Variants in FRAS1 observed in about 807,000 individuals in gnomAD.
FRAS1 encodes the protein extracellular matrix organizing protein FRAS1.
A neutral mutation model predicts 435.2 loss-of-function variants in FRAS1; 290 were observed. The ratio of observed to expected loss-of-function variants is 0.67; its 90% CI spans 0.61 to 0.73. The LOEUF (loss-of-function observed/expected upper bound fraction) is 0.73, where lower values mean the gene tolerates loss of function less well. FRAS1 is among the 30% of genes least tolerant of loss of function. The probability of loss-of-function intolerance (pLI) is 0.00; values close to 1 mark genes in which losing one functional copy is unlikely to be tolerated. For missense variants in FRAS1, 4,860 were observed against 5,001.5 expected (o/e 0.97, Z 0.85); for synonymous variants, 1,800 against 1,851.0 (o/e 0.97, Z 0.71).
rs1720524097 is a variant in FRAS1 at position 78,496,970 on chromosome 4, AG to A, written c.9115+10del. On this transcript the variant is annotated intron_variant, in intron 60 of 73. Transcript: ENST00000512123. Reference sequence around the variant, plus strand: ...ATCCAATGATGAAGATGGTAACAGAAGAAATTATCTTTAGTTACTCTTAGGT... The same window carrying A: ...ATCCAATGATGAAGATGGTAACAGAAAAATTATCTTTAGTTACTCTTAGGT... The A allele has an allele frequency of 6.2e-7, 1 of 1,608,096 alleles. No homozygotes were observed. Among genetic ancestry groups the A allele is most frequent in the Non-Finnish European group, 8.5e-7 (1 of 1,175,598 alleles).
At chr4:78,314,936 T>C (rs1478821367) in intron 15 of FRAS1, among the ~76,000 whole-genome samples, 1 of 152,224 alleles carries the variant, frequency 6.6e-6, no homozygotes, top group East Asian at 1.9e-4. Context: ...ATTTCCAATA[T>C]TGTCTATTTC....
rs189698073 is a variant in FRAS1, at chr4:78,452,021, C to T, written c.6583+130C>T. The T allele has an allele frequency of 1.0e-5, 13 of 1,241,970 alleles. No individual in the cohort carries two copies. In the Admixed American group the frequency reaches 2.9e-4, roughly 28 times the overall value. The allele number at this position is 1,241,970 out of a possible 1,614,324, so 76.9% of individuals were successfully genotyped here. On this transcript the variant is annotated intron_variant, in intron 46 of 73. Coordinates refer to ENST00000512123, the MANE Select transcript of FRAS1 (RefSeq NM_025074.7). Reference sequence around the variant, plus strand: ...GCTGGTGTGGAAACTGAAAATCATACCCCCTTTATTGCACGAAGCCCTGGC... The same window carrying T: ...GCTGGTGTGGAAACTGAAAATCATATCCCCTTTATTGCACGAAGCCCTGGC...
Position 78,160,843 on chromosome 4 carries a change from C to A in FRAS1, c.109-76667C>A, listed in dbSNP as rs1278111599. ...AAAATGACATAAGCCATTTAAAGAT[C>A]TATAAAAAGATGGGCTGGGCACAGT... is the stretch of plus-strand genomic sequence containing the variant. On this transcript the variant is annotated intron_variant, in intron 2 of 73. Coordinates refer to ENST00000512123, the MANE Select transcript of FRAS1 (RefSeq NM_025074.7). Among the ~76,000 whole-genome samples the A allele has an allele frequency of 2.0e-5, 3 of 152,040 alleles. No homozygotes were observed. The East Asian group carries it at 5.8e-4, about 29-fold the overall frequency.
intron 15 of FRAS1, among the ~76,000 whole-genome samples, chr4:78,309,525 A>G (rs1728931302): frequency 1.3e-5 from 2 of 152,200 alleles, no homozygotes. Context: ...GAGGGTAAGA[A>G]ACTTGCTTAA....
intron 2 of FRAS1, among the ~76,000 whole-genome samples, chr4:78,078,139 A>G (rs1345096501): frequency 1.3e-5 from 2 of 152,158 alleles, no homozygotes; most frequent in East Asian, 3.8e-4. Context: ...ACACAGTTCT[A>G]TACTATTATT....
In FRAS1 at chr4:78,445,547, C is replaced by A; in HGVS notation, c.5691C>A (p.Ala1897=). 6.3e-7 allele frequency: 1 copy of A among 1,580,690 alleles called. No individual in the cohort carries two copies. Among genetic ancestry groups the A allele is most frequent in the Non-Finnish European group, 8.6e-7 (1 of 1,160,172 alleles). ...GTGDRFGPET[A]SDLEASFPIQ... ...GTGATCGTTTTGGCCCTGAAACTGC[C>A]AGTGACCTAGAGGCATCATTTCCTA... The change falls in exon 42 of 74, where the codon GCC becomes GCA. Residue 1897 remains alanine, a synonymous_variant. Coordinates refer to ENST00000512123, the MANE Select transcript of FRAS1 (RefSeq NM_025074.7).
intron 4 of FRAS1, among the ~76,000 whole-genome samples, chr4:78,249,100 C>T (rs1578206114): frequency 7.3e-5 from 1 of 13,692 alleles, no homozygotes; most frequent in Admixed American, 1.0e-3. Context: ...TGTGCTGATG[C>T]CTTGATCTCT....
At chr4:78,512,185 A>G (rs1314700242) in intron 64 of FRAS1, among the ~76,000 whole-genome samples, 5 of 152,206 alleles carry the variant, frequency 3.3e-5, no homozygotes, top group Non-Finnish European at 2.9e-5. Context: ...TCATTTTTGC[A>G]TAGCAAAAAA....
chr4:78,238,259 A>T lies in FRAS1; in HGVS notation c.216+642A>T, dbSNP rs190951753. Among the ~76,000 whole-genome samples, 296 of 151,394 alleles carry T rather than the reference A, an allele frequency of 2.0e-3. 1 individual carries two copies. The highest frequency in any genetic ancestry group is 6.1e-3 in the African/African-American group (254 of 41,348). On this transcript the variant is annotated intron_variant, in intron 3 of 73. Coordinates refer to ENST00000512123, the MANE Select transcript of FRAS1 (RefSeq NM_025074.7). ...TTTCCTCCCTTCCCTTCTGTTAAAA[A>T]TTTTCAGTTTTCTTCTGACTACACA... is the stretch of plus-strand genomic sequence containing the variant.
chr4:78,291,741 G>A (rs564110198), intron 14 of FRAS1, among the ~76,000 whole-genome samples: 1 of 152,234 alleles, frequency 6.6e-6, no homozygotes, highest in Admixed American at 6.5e-5. Context: ...AGGCAGGTTA[G>A]TTGTTGCTTA....
chr4:78,142,038 C>T (rs1373850028), intron 2 of FRAS1, among the ~76,000 whole-genome samples: 2 of 152,020 alleles, frequency 1.3e-5, no homozygotes, highest in Non-Finnish European at 2.9e-5. Context: ...GCAGTGTATA[C>T]TGTTGGGGTG....
chr4:78,246,862 G>A (rs879381719), intron 4 of FRAS1, among the ~76,000 whole-genome samples: 1 of 152,152 alleles, frequency 6.6e-6, no homozygotes, highest in Non-Finnish European at 1.5e-5. Context: ...CTCATGTCAT[G>A]TGTGTGCACA....
intron 55 of FRAS1, among the ~76,000 whole-genome samples, chr4:78,478,305 G>T (rs1719912445): frequency 6.6e-6 from 1 of 152,164 alleles, no homozygotes; most frequent in Non-Finnish European, 1.5e-5. Context: ...TGGACTAGAA[G>T]ACTGGTTATA....
chr4:78,438,982 A>G lies in FRAS1; in HGVS notation c.5447A>G (p.His1816Arg), dbSNP rs1177774696. 3.1e-6 allele frequency: 5 copies of G among 1,613,466 alleles called. No homozygotes were observed. The highest frequency in any genetic ancestry group is 4.2e-6 in the Non-Finnish European group (5 of 1,179,530). The change falls in exon 40 of 74, where the codon CAT becomes CGT. Residue 1816 changes from histidine (H) to arginine (R), a missense_variant. By Grantham distance (29) the His-to-Arg change is conservative (BLOSUM62 0). Coordinates refer to ENST00000512123, the MANE Select transcript of FRAS1 (RefSeq NM_025074.7). ...YFSVSDMDHN[H>R]LDNQIFTIMI... Reference sequence around the variant, plus strand: ...TCTGTCTCTGACATGGACCACAACCATCTGGATAATCAGATATTTACCATC... The same window carrying G: ...TCTGTCTCTGACATGGACCACAACCGTCTGGATAATCAGATATTTACCATC...
intron 32 of FRAS1, among the ~76,000 whole-genome samples, chr4:78,416,835 G>T (rs1733574261): frequency 6.6e-6 from 1 of 152,120 alleles, no homozygotes; most frequent in Admixed American, 6.5e-5. Flanking sequence ...AGGCAAGAGA[G>T]CAATTGGGAG....
At chr4:78,221,463 T>C (rs1724047352) in intron 2 of FRAS1, among the ~76,000 whole-genome samples, 1 of 152,238 alleles carries the variant, frequency 6.6e-6, no homozygotes, top group Non-Finnish European at 1.5e-5. Flanking sequence ...TCTGTCTTTA[T>C]TTATGCAGAT....
chr4:78,507,692 A>G (rs1333548350), intron 62 of FRAS1, 84 bp downstream of exon 62: 4 of 1,335,896 alleles, frequency 3.0e-6, no homozygotes, highest in Admixed American at 6.0e-5. Context: ...CTATTTCTTT[A>G]TTCTTCTAAC....
chr4:78,488,482 GC>G (rs1352897972), intron 58 of FRAS1, among the ~76,000 whole-genome samples: 1 of 152,106 alleles, frequency 6.6e-6, no homozygotes, highest in Non-Finnish European at 1.5e-5. Context: ...CCTTACTGTA[GC>G]CCTAGGAGGA....
chr4:78,535,756 A>AT (rs1162934743), intron 71 of FRAS1, among the ~76,000 whole-genome samples: 1 of 152,126 alleles, frequency 6.6e-6, no homozygotes, highest in Non-Finnish European at 1.5e-5. Flanking sequence ...CCCATTTGCC[A>AT]TGTTTCTAAG....
Sources: allele counts gnomAD v4.1 joint callset (sites outside exome capture counted in the v4.1 genomes callset), GRCh38; gene constraint gnomAD v4.1.1; transcripts MANE v1.5; gene names NCBI Gene and HGNC (gene_info 2026-07-23, HGNC 2026-07-21).